The following NXPH1 variants were observed in gnomAD, a reference collection of about 807,000 sequenced individuals.
NXPH1 encodes the protein neurexophilin 1.
Under a neutral mutation model 23.7 loss-of-function variants are expected in NXPH1, and 5 were observed. The observed-to-expected ratio is 0.21, with a 90% CI of 0.11 to 0.44. NXPH1 has a LOEUF of 0.44. Among genes scored for constraint, NXPH1 ranks in the 20% least tolerant of loss-of-function variants. NXPH1 has a pLI of 0.99. For synonymous variants in NXPH1, 144 were observed against 122.2 expected, an observed-to-expected ratio of 1.18 and a Z score of -1.18; for missense variants, 324 against 321.6, an observed-to-expected ratio of 1.01 and a Z score of -0.06.
At chr7:8,602,861 C>T (rs1819391337) in intron 2 of NXPH1, among the ~76,000 whole-genome samples, 1 of 152,002 alleles carries the variant, frequency 6.6e-6, no homozygotes, top group Admixed American at 6.6e-5. Flanking sequence ...GATGGAGTCT[C>T]ACTGTTGCCC....
At chr7:8,569,068 A>G (rs891710150) in intron 2 of NXPH1, among the ~76,000 whole-genome samples, 1 of 151,940 alleles carries the variant, frequency 6.6e-6, no homozygotes, top group African/African-American at 2.4e-5. Flanking sequence ...AGAGTAATTA[A>G]TGCATCAGGT....
chr7:8,704,607 A>C (rs1023824372), intron 2 of NXPH1, among the ~76,000 whole-genome samples: 2 of 152,170 alleles, frequency 1.3e-5, no homozygotes, highest in African/African-American at 4.8e-5. Flanking sequence ...CTTTAGAATT[A>C]AGGGGAGACC....
At chr7:8,647,572 C>T (rs116415245) in intron 2 of NXPH1, among the ~76,000 whole-genome samples, 1,697 of 151,820 alleles carry the variant, frequency 0.011, 34 homozygotes, top group African/African-American at 0.039. Flanking sequence ...AATTGTTTTT[C>T]TTGAAATTCT....
At chr7:8,580,207 T>C (rs1368173592) in intron 2 of NXPH1, among the ~76,000 whole-genome samples, 1 of 152,156 alleles carries the variant, frequency 6.6e-6, no homozygotes, top group Non-Finnish European at 1.5e-5. Flanking sequence ...ATGCAGCATT[T>C]ATATGCCGAA....
intron 2 of NXPH1, among the ~76,000 whole-genome samples, chr7:8,540,117 T>C (rs1327117707): frequency 6.6e-6 from 1 of 151,788 alleles, no homozygotes; most frequent in Non-Finnish European, 1.5e-5. Flanking sequence ...TTAAAAACAA[T>C]ATAGTAGTGA....
chr7:8,461,893 C>G (rs993688278), intron 2 of NXPH1, among the ~76,000 whole-genome samples: 1 of 151,002 alleles, frequency 6.6e-6, no homozygotes, highest in Non-Finnish European at 1.5e-5. Context: ...TACATATACT[C>G]AAACACCATT....
At chr7:8,455,388 C>T (rs757944073) in intron 2 of NXPH1, among the ~76,000 whole-genome samples, 31 of 152,058 alleles carry the variant, frequency 2.0e-4, no homozygotes, top group Non-Finnish European at 4.0e-4. Context: ...TGTCTTGGTG[C>T]ATAATCTCTG....
At chr7:8,701,253 G>A (rs1239849649) in intron 2 of NXPH1, among the ~76,000 whole-genome samples, 2 of 152,014 alleles carry the variant, frequency 1.3e-5, no homozygotes, top group African/African-American at 4.8e-5. Context: ...ATCATCTCAT[G>A]AGCATTAATA....
At chr7:8,657,612 A>C (rs1401359545) in intron 2 of NXPH1, among the ~76,000 whole-genome samples, 1 of 152,228 alleles carries the variant, frequency 6.6e-6, no homozygotes, top group East Asian at 1.9e-4. Flanking sequence ...CTGGAGTATA[A>C]GATTCAGGTA....
intron 2 of NXPH1, among the ~76,000 whole-genome samples, chr7:8,600,526 C>T (rs1819335073): frequency 6.6e-6 from 1 of 152,180 alleles, no homozygotes; most frequent in East Asian, 1.9e-4. Context: ...ATCTGGTTTG[C>T]AGATCCTGCT....
At chr7:8,701,402 C>T (rs1284366165) in intron 2 of NXPH1, among the ~76,000 whole-genome samples, 1 of 152,014 alleles carries the variant, frequency 6.6e-6, no homozygotes. Context: ...TCTCCTGTGG[C>T]TGCCTGTTCC....
At chr7:8,597,771 C>G (rs1819259518) in intron 2 of NXPH1, among the ~76,000 whole-genome samples, 1 of 151,960 alleles carries the variant, frequency 6.6e-6, no homozygotes, top group South Asian at 2.1e-4. Flanking sequence ...ACATGCCTTA[C>G]TACTCTGAAG....
intron 2 of NXPH1, among the ~76,000 whole-genome samples, chr7:8,670,114 C>G (rs1246208103): frequency 1.3e-5 from 2 of 152,172 alleles, no homozygotes; most frequent in Non-Finnish European, 2.9e-5. Flanking sequence ...ATGTCATTTT[C>G]TGGGCCTTCT....
At position 8,436,085 on chromosome 7, in the gene NXPH1, G is replaced by A. The variant is rs114603872; in HGVS notation, c.54+318G>A. 2.7e-3 allele frequency among the ~76,000 whole-genome samples: 407 copies of A among 152,286 alleles called. 1 individual carries two copies. The highest frequency in any genetic ancestry group is 9.4e-3 in the African/African-American group (392 of 41,546). Reference sequence around the variant, plus strand: ...AGAGGGCCAACGAGAAGAAGTGGAAGGCAGGAACTCTCAGTAGCTCATGCA... The same window carrying A: ...AGAGGGCCAACGAGAAGAAGTGGAAAGCAGGAACTCTCAGTAGCTCATGCA... On this transcript the variant is annotated intron_variant, in intron 2 of 2. Transcript: ENST00000405863.
At chr7:8,443,372 G>C (rs75426506) in intron 2 of NXPH1, among the ~76,000 whole-genome samples, 5,779 of 152,334 alleles carry the variant, frequency 0.038, 138 homozygotes, top group Middle Eastern at 0.054. Context: ...AAACGTGAAG[G>C]CTGTAACGAA....
chr7:8,570,075 T>C (rs966337867), intron 2 of NXPH1, among the ~76,000 whole-genome samples: 2 of 151,860 alleles, frequency 1.3e-5, no homozygotes, highest in Non-Finnish European at 2.9e-5. Context: ...CAAAGATCAA[T>C]TGAGTGCCAG....
chr7:8,736,728 G>A (rs971286287), intron 2 of NXPH1, among the ~76,000 whole-genome samples: 4 of 152,146 alleles, frequency 2.6e-5, no homozygotes, highest in Non-Finnish European at 5.9e-5. Context: ...TGACAGTGGG[G>A]TGTTAAAGTC....
intron 2 of NXPH1, among the ~76,000 whole-genome samples, chr7:8,731,951 C>T (rs1438046550): frequency 6.6e-6 from 1 of 152,236 alleles, no homozygotes; most frequent in Non-Finnish European, 1.5e-5. Flanking sequence ...TTGCTGCTGC[C>T]TTGCAGTTTG....
intron 2 of NXPH1, among the ~76,000 whole-genome samples, chr7:8,489,212 G>A (rs1484079876): frequency 6.6e-6 from 1 of 152,024 alleles, no homozygotes; most frequent in African/African-American, 2.4e-5. Flanking sequence ...ATCTAGGGAT[G>A]TTCTCTTCCT....
Sources: allele counts gnomAD v4.1 joint callset (sites outside exome capture counted in the v4.1 genomes callset), GRCh38; gene constraint gnomAD v4.1.1; transcripts MANE v1.5; gene names NCBI Gene and HGNC (gene_info 2026-07-23, HGNC 2026-07-21).